COL19A1: variants seen among roughly 807,000 people sequenced by gnomAD.
COL19A1 encodes collagen alpha-1(XIX) chain.
In COL19A1, 159 loss-of-function variants were observed where a neutral mutation model predicts 190.2. The observed-to-expected ratio is 0.84, with a 90% CI of 0.73 to 0.95. COL19A1 has a LOEUF of 0.95. Among genes scored for constraint, COL19A1 ranks in the 40% least tolerant of loss-of-function variants. The pLI is 0.00. For missense variants in COL19A1, 1,418 were observed against 1,431.9 expected, an observed-to-expected ratio of 0.99 and a Z score of 0.16; for synonymous variants, 509 against 458.9, an observed-to-expected ratio of 1.11 and a Z score of -1.39.
intron 22 of COL19A1, among the ~76,000 whole-genome samples, 177 bp downstream of exon 22, chr6:70,142,253 TC>T (rs1176289675): frequency 6.6e-6 from 1 of 152,176 alleles, no homozygotes; most frequent in African/African-American, 2.4e-5. Flanking sequence ...ATAGTAACTG[TC>T]TTTTGGTTTT....
chr6:70,045,739 A>G (rs998310422), intron 14 of COL19A1, among the ~76,000 whole-genome samples: 1 of 152,100 alleles, frequency 6.6e-6, no homozygotes, highest in African/African-American at 2.4e-5. Context: ...TGACAAACCA[A>G]CCCCACTTTA....
intron 4 of COL19A1, among the ~76,000 whole-genome samples, chr6:69,917,039 G>A (rs2149993676): frequency 6.6e-6 from 1 of 152,294 alleles, no homozygotes; most frequent in Non-Finnish European, 1.5e-5. Flanking sequence ...AGCTTTAGGA[G>A]TATAGAACTA....
At chr6:70,078,851 G>A (rs1404567621) in intron 15 of COL19A1, among the ~76,000 whole-genome samples, 1 of 152,178 alleles carries the variant, frequency 6.6e-6, no homozygotes, top group African/African-American at 2.4e-5. Context: ...CAGGTAACTT[G>A]AGGTCAGGAG....
chr6:70,031,542 G>A (rs569870747), intron 12 of COL19A1, among the ~76,000 whole-genome samples: 17 of 151,968 alleles, frequency 1.1e-4, no homozygotes, highest in African/African-American at 4.1e-4. Context: ...GCTCCCACAT[G>A]TAAGAAAGAA....
chr6:70,054,076 T>G (rs912241842), intron 14 of COL19A1, among the ~76,000 whole-genome samples: 6 of 152,166 alleles, frequency 3.9e-5, no homozygotes, highest in Admixed American at 6.6e-5. Flanking sequence ...TTTGGCCAGG[T>G]GCAGTGGCTC....
At chr6:70,183,692 C>T (rs555001745) in intron 44 of COL19A1, among the ~76,000 whole-genome samples, 4 of 152,222 alleles carry the variant, frequency 2.6e-5, no homozygotes, top group African/African-American at 7.2e-5. Context: ...GAAAGGTTGG[C>T]GAACTATGGT....
At chr6:69,942,740 A>ATGTGTG (rs35406948) in intron 9 of COL19A1, among the ~76,000 whole-genome samples, 9,993 of 146,612 alleles carry the variant, frequency 0.068, 797 homozygotes, top group African/African-American at 0.19. Context: ...CATTGTGTGT[A>ATGTGTG]TGTGTGTGTG....
intron 11 of COL19A1, among the ~76,000 whole-genome samples, chr6:69,971,012 A>G (rs2150054841): frequency 6.6e-6 from 1 of 152,276 alleles, no homozygotes; most frequent in African/African-American, 2.4e-5. Context: ...GTCATTACAG[A>G]TTGTGTATTA....
rs1772607676 is a variant in COL19A1 at position 69,929,449 on chromosome 6, A to G, written c.415A>G (p.Lys139Glu). 1.2e-6 allele frequency: 2 copies of G among 1,613,826 alleles called. No individual in the cohort carries two copies. Among genetic ancestry groups the G allele is most frequent in the Non-Finnish European group, 1.7e-6 (2 of 1,179,924 alleles). ...GATTTCTATAGTAGTTGATGGTGGAAAGAAGGTGGTGGAATTTATGTTTCA... is the reference window on the plus strand; with the variant it reads ...GATTTCTATAGTAGTTGATGGTGGAGAGAAGGTGGTGGAATTTATGTTTCA... ...PQISIVVDGG[K>E]KVVEFMFQAT... is the part of the protein sequence containing the mutation. Residue 139 changes from lysine to glutamate, a missense_variant, in exon 6 of 51, where the codon AAG becomes GAG. Coordinates refer to ENST00000620364, the MANE Select transcript of COL19A1 (RefSeq NM_001858.6).
chr6:69,871,789 T>A (rs1367870438), intron 1 of COL19A1, among the ~76,000 whole-genome samples: 3 of 150,450 alleles, frequency 2.0e-5, no homozygotes, highest in Non-Finnish European at 4.4e-5. Context: ...CTCCTGACCA[T>A]CTTATTTAGC....
Position 69,909,612 on chromosome 6 carries a change from CAATA to C in COL19A1, c.266+9279_266+9282del, listed in dbSNP as rs1770775098. ...TAGGAGGTTAAGACATGGAAAAATA[CAATA>C]AATATAATTACATGAGATAATTTCT... On this transcript the variant is annotated intron_variant, in intron 4 of 50. Transcript: ENST00000620364. Among the ~76,000 whole-genome samples, 3 of 151,990 alleles carry C rather than the reference CAATA, an allele frequency of 2.0e-5. No homozygotes were observed. The South Asian group carries it at 6.2e-4, about 31-fold the overall frequency.
chr6:69,899,165 A>ATT (rs112888229), intron 3 of COL19A1, 143 bp downstream of exon 3: 5,021 of 423,616 alleles, frequency 0.012, 9 homozygotes, highest in Middle Eastern at 0.015. Flanking sequence ...ATTCTTTTTA[A>ATT]TTTTTTTTTT....
intron 2 of COL19A1, among the ~76,000 whole-genome samples, chr6:69,883,170 A>C (rs1276307791): frequency 6.6e-6 from 1 of 152,244 alleles, no homozygotes; most frequent in Non-Finnish European, 1.5e-5. Context: ...TGGAAGAAAT[A>C]GCAAGAAAAA....
intron 11 of COL19A1, among the ~76,000 whole-genome samples, chr6:70,021,923 A>T (rs1201758676): frequency 6.6e-6 from 1 of 151,824 alleles, no homozygotes; most frequent in African/African-American, 2.4e-5. Context: ...TTTAACTTAA[A>T]CCTATTTTTA....
At chr6:70,100,594 C>T (rs1054022446) in intron 15 of COL19A1, among the ~76,000 whole-genome samples, 11 of 146,932 alleles carry the variant, frequency 7.5e-5, no homozygotes, top group Admixed American at 3.4e-4. Flanking sequence ...GCAATTCTCC[C>T]GTGTTCAAGC....
intron 35 of COL19A1, among the ~76,000 whole-genome samples, chr6:70,163,141 C>A (rs973720518): frequency 1.3e-5 from 2 of 152,124 alleles, no homozygotes; most frequent in Admixed American, 6.6e-5. Context: ...GAAAAAGCGA[C>A]CACAAATACA....
intron 6 of COL19A1, among the ~76,000 whole-genome samples, chr6:69,931,048 G>A (rs1157990191): frequency 6.6e-6 from 1 of 152,074 alleles, no homozygotes. Flanking sequence ...AAGATTCTTG[G>A]TTCTACTGAA....
intron 16 of COL19A1, among the ~76,000 whole-genome samples, chr6:70,115,833 T>TTG (rs201691421): frequency 1.4e-5 from 2 of 141,348 alleles, no homozygotes; most frequent in African/African-American, 5.2e-5. Flanking sequence ...TTGTTTTTTT[T>TTG]TTTTTTTTTG....
intron 12 of COL19A1, among the ~76,000 whole-genome samples, chr6:70,026,745 T>C (rs558831126): frequency 6.6e-6 from 1 of 152,312 alleles, no homozygotes; most frequent in East Asian, 1.9e-4. Context: ...ATTTGAAATT[T>C]GACCCTCACC....
Sources: allele counts gnomAD v4.1 joint callset (sites outside exome capture counted in the v4.1 genomes callset), GRCh38; gene constraint gnomAD v4.1.1; transcripts MANE v1.5; gene names NCBI Gene and HGNC (gene_info 2026-07-23, HGNC 2026-07-21).